PCDHA2: variants seen among roughly 807,000 people sequenced by gnomAD.
PCDHA2 encodes the protein protocadherin alpha 2.
A neutral mutation model predicts 66.0 loss-of-function variants in PCDHA2; 58 were observed. That is an observed-to-expected ratio of 0.88 (90% CI 0.71 to 1.09). The LOEUF (loss-of-function observed/expected upper bound fraction) is 1.09, where lower values mean the gene tolerates loss of function less well. Ranked by LOEUF, PCDHA2 falls within the 50% of genes least tolerant of loss-of-function variation. PCDHA2 has a pLI of 0.00. For missense variants in PCDHA2, 1,267 were observed against 1,242.3 expected (o/e 1.02, Z -0.30); for synonymous variants, 634 against 554.0 (o/e 1.14, Z -2.03).
Position 140,830,271 on chromosome 5 carries a change from C to T in PCDHA2, c.2388+32919C>T, listed in dbSNP as rs2150183888. Reference sequence around the variant, plus strand: ...ACAGCGCTGCGGTGCTCGGCGCCACCCACCGAGGGCGCGTGCACGGCGGAC... The same window carrying T: ...ACAGCGCTGCGGTGCTCGGCGCCACTCACCGAGGGCGCGTGCACGGCGGAC... On this transcript the variant is annotated intron_variant, in intron 1 of 3. Transcript: ENST00000526136. The T allele has an allele frequency of 4.3e-6, 7 of 1,613,820 alleles. 1 individual carries two copies. In the South Asian group the frequency reaches 7.7e-5, roughly 18 times the overall value.
chr5:140,942,840 T>C (rs75984395), intron 1 of PCDHA2, among the ~76,000 whole-genome samples: 6,117 of 152,206 alleles, frequency 0.04, 136 homozygotes, highest in Non-Finnish European at 0.052. Context: ...CAATAAAAAT[T>C]CCAGTAAGAT....
intron 1 of PCDHA2, chr5:140,877,909 C>A: frequency 6.3e-6 from 9 of 1,432,578 alleles, no homozygotes; most frequent in Non-Finnish European, 7.3e-6. Flanking sequence ...TAACTACATT[C>A]TCTCATTTTT....
At position 140,863,274 on chromosome 5, in the gene PCDHA2, G is replaced by T. The variant is rs782533377; in HGVS notation, c.2388+65922G>T. 8.9e-6 allele frequency: 13 copies of T among 1,461,580 alleles called. No individual in the cohort carries two copies. In the African/African-American group the frequency reaches 1.8e-4, roughly 21 times the overall value. 90.5% of individuals were successfully genotyped at this position (1,461,580 alleles called of 1,614,324 possible). On this transcript the variant is annotated intron_variant, in intron 1 of 3. Coordinates refer to ENST00000526136, the MANE Select transcript of PCDHA2 (RefSeq NM_018905.3). Reference sequence around the variant, plus strand: ...TCGAGGTCCGGGAGGCAGCGCTGGTGGATGTCAACGTGTACCTGATCATCG... The same window carrying T: ...TCGAGGTCCGGGAGGCAGCGCTGGTTGATGTCAACGTGTACCTGATCATCG...
rs1367500775 is a variant in PCDHA2, at chr5:140,929,192, A to G, written c.2389-49757A>G. ...TCTCTGGGACTTGGTTCTGATAATA[A>G]CAGTTTGCTGTTGCGTGGGGAGTAC... On this transcript the variant is annotated intron_variant, in intron 1 of 3. Transcript: ENST00000526136. The G allele has an allele frequency of 8.1e-6, 13 of 1,614,124 alleles. 1 individual carries two copies. The highest frequency in any genetic ancestry group is 1.0e-5 in the Non-Finnish European group (12 of 1,180,018).
intron 1 of PCDHA2, chr5:140,847,744 C>T (rs1554141887): frequency 6.7e-6 from 1 of 149,678 alleles, no homozygotes; most frequent in Non-Finnish European, 1.5e-5. Flanking sequence ...ATTTTCTCCC[C>T]ACGCAACACA....
Position 140,850,298 on chromosome 5 carries a change from G to C in PCDHA2, c.2388+52946G>C, listed in dbSNP as rs200693140. ...AGGTGCGCGCAGTGGACGCCGACTCGGGCTACAACGCGTGGCTTTCATACG... is the reference window on the plus strand; with the variant it reads ...AGGTGCGCGCAGTGGACGCCGACTCCGGCTACAACGCGTGGCTTTCATACG... On this transcript the variant is annotated intron_variant, in intron 1 of 3. Coordinates refer to ENST00000526136, the MANE Select transcript of PCDHA2 (RefSeq NM_018905.3). The C allele has an allele frequency of 4.2e-5, 67 of 1,596,354 alleles. 8 individuals are homozygous for C. Among genetic ancestry groups the C allele is most frequent in the Middle Eastern group, 3.9e-4 (2 of 5,190 alleles).
At position 140,931,440 on chromosome 5, in the gene PCDHA2, A is replaced by C. The variant is rs539915059; in HGVS notation, c.2389-47509A>C. Among the ~76,000 whole-genome samples the C allele has an allele frequency of 2.1e-5, 3 of 141,482 alleles. No individual in the cohort carries two copies. In the South Asian group the frequency reaches 6.9e-4, roughly 32 times the overall value. 92.8% of individuals were successfully genotyped at this position (141,482 alleles called of 152,430 possible). A position where few individuals can be genotyped will look rare whatever the true frequency, so the allele number is the denominator to read the frequency against. ...CTAGAAGTTAGAAGGAAAATTAGCT[A>C]TTTAAAAGGAAAAATATAGGAATGA... On this transcript the variant is annotated intron_variant, in intron 1 of 3. Transcript: ENST00000526136.
chr5:140,838,077 AGTGTGTGT>A (rs2150283763), intron 1 of PCDHA2, among the ~76,000 whole-genome samples: 8,999 of 80,104 alleles, frequency 0.11, 350 homozygotes, highest in Admixed American at 0.12. Context: ...ATATATATAT[AGTGTGTGT>A]GTGTGTGTGT....
intron 1 of PCDHA2, chr5:140,869,555 G>C (rs2051240207): frequency 6.2e-7 from 1 of 1,614,054 alleles, no homozygotes; most frequent in Non-Finnish European, 8.5e-7. Flanking sequence ...TCGGACTCGC[G>C]TTTTCCACTA....
At chr5:140,968,231 T>A in intron 1 of PCDHA2, 1 of 1,614,032 alleles carries the variant, frequency 6.2e-7, no homozygotes. Context: ...TGTGTTGCTC[T>A]GTACTGTGCA....
chr5:140,801,974 C>G, intron 1 of PCDHA2: 1 of 1,614,146 alleles, frequency 6.2e-7, no homozygotes, highest in Non-Finnish European at 8.5e-7. Flanking sequence ...CAAATGGTAC[C>G]CTAGTGGTGA....
At position 140,835,900 on chromosome 5, in the gene PCDHA2, G is replaced by A. The variant is rs1580826433; in HGVS notation, c.2388+38548G>A. The A allele has an allele frequency of 4.3e-6, 7 of 1,612,152 alleles. No individual in the cohort carries two copies. The East Asian group carries it at 1.6e-4, about 36-fold the overall frequency. ...CGGGTGGGCGAGCGCGCGCTGTCGA[G>A]CTACGTGTCAGTGCACGCGGAGAGC... On this transcript the variant is annotated intron_variant, in intron 1 of 3. Coordinates refer to ENST00000526136, the MANE Select transcript of PCDHA2 (RefSeq NM_018905.3).
chr5:140,795,848 T>C lies in PCDHA2; in HGVS notation c.884T>C (p.Ile295Thr), dbSNP rs889935841. The C allele has an allele frequency of 5.6e-6, 9 of 1,613,958 alleles. No individual in the cohort carries two copies. The highest frequency in any genetic ancestry group is 2.2e-5 in the East Asian group (1 of 44,892). Residue 295 changes from isoleucine to threonine, a missense_variant, in exon 1 of 4, where the codon ATA (isoleucine) becomes ACA (threonine). By Grantham distance (89) the Ile-to-Thr change is moderately conservative (BLOSUM62 -1). Coordinates refer to ENST00000526136, the MANE Select transcript of PCDHA2 (RefSeq NM_018905.3). ...TCCACTATACAGACTAAGTTTACCATAGATCCCATCTCAGGGGAAATCAGA... is the reference window on the plus strand; with the variant it reads ...TCCACTATACAGACTAAGTTTACCACAGATCCCATCTCAGGGGAAATCAGA... ...VSSTIQTKFT[I>T]DPISGEIRTK... is the part of the protein sequence containing the mutation.
intron 3 of PCDHA2, among the ~76,000 whole-genome samples, chr5:140,988,533 C>G (rs1395075166): frequency 6.6e-6 from 1 of 152,160 alleles, no homozygotes; most frequent in African/African-American, 2.4e-5. Flanking sequence ...CTGGCTCCAT[C>G]CATTCATGAC....
intron 1 of PCDHA2, chr5:140,802,095 G>A: frequency 6.2e-7 from 1 of 1,614,176 alleles, no homozygotes. Context: ...TCCAGTCAAT[G>A]GACAAATCAG....
chr5:140,823,452 C>A, intron 1 of PCDHA2: 7 of 1,613,440 alleles, frequency 4.3e-6, no homozygotes, highest in Non-Finnish European at 5.9e-6. Flanking sequence ...ACGAGAACGA[C>A]AACGCGCCGG....
In PCDHA2 at chr5:140,941,217, T is replaced by TTC. The variant is rs1483555953; in HGVS notation, c.2389-37730_2389-37729dup. Among the ~76,000 whole-genome samples, 308 of 126,180 alleles carry TTC rather than the reference T, an allele frequency of 2.4e-3. 1 individual carries two copies. Among genetic ancestry groups the TTC allele is most frequent in the African/African-American group, 9.4e-3 (294 of 31,220 alleles). The allele number at this position is 126,180 out of a possible 152,430, so 82.8% of individuals were successfully genotyped here. On this transcript the variant is annotated intron_variant, in intron 1 of 3. Coordinates refer to ENST00000526136, the MANE Select transcript of PCDHA2 (RefSeq NM_018905.3). ...TTTCTTTCTTCCTTTCTTTCTTCCT[T>TTC]TCTTTCTTTCTTTCTTTCTTTCTTT...
At position 140,795,381 on chromosome 5, in the gene PCDHA2, T is replaced by G. The variant is rs782365486; in HGVS notation, c.417T>G (p.Thr139=). Residue 139 remains threonine, a synonymous_variant, in exon 1 of 4, where the codon ACT becomes ACG. Coordinates refer to ENST00000526136, the MANE Select transcript of PCDHA2 (RefSeq NM_018905.3). ...NPPIFPMTVK[T]IRFPESRLLD... ...CAATATTTCCAATGACAGTAAAGAC[T>G]ATCCGGTTTCCCGAATCAAGGCTGC... 1.2e-6 allele frequency: 2 copies of G among 1,614,180 alleles called. No individual in the cohort carries two copies. Among genetic ancestry groups the G allele is most frequent in the Non-Finnish European group, 1.7e-6 (2 of 1,180,034 alleles).
chr5:140,895,892 A>T (rs1554186717), intron 1 of PCDHA2, among the ~76,000 whole-genome samples: 1 of 152,080 alleles, frequency 6.6e-6, no homozygotes, highest in Non-Finnish European at 1.5e-5. Flanking sequence ...GCTCACTGCA[A>T]CCTCCGCGTC....
Sources: allele counts gnomAD v4.1 joint callset (sites outside exome capture counted in the v4.1 genomes callset), GRCh38; gene constraint gnomAD v4.1.1; transcripts MANE v1.5; gene names NCBI Gene and HGNC (gene_info 2026-07-23, HGNC 2026-07-21).